CENPT: variants seen among roughly 807,000 people sequenced by gnomAD.
The protein encoded by CENPT is interphase centromere complex protein 22.
CENPT carries 42 observed loss-of-function variants against 59.7 expected under a neutral mutation model. That is an observed-to-expected ratio of 0.70 (90% confidence interval 0.55 to 0.91). The LOEUF is 0.91. Among genes scored for constraint, CENPT ranks in the 40% least tolerant of loss-of-function variants. The pLI is 0.00. For missense variants in CENPT, 716 were observed against 713.4 expected, an observed-to-expected ratio of 1.00 and a Z score of -0.04; for synonymous variants, 295 against 289.6, an observed-to-expected ratio of 1.02 and a Z score of -0.19.
intron 8 of CENPT, 52 bp from the exon 9 acceptor site, chr16:67,831,664 C>T: frequency 6.2e-7 from 1 of 1,611,154 alleles, no homozygotes; most frequent in South Asian, 1.1e-5. Context: ...GGTAAGTGAT[C>T]CAGGCCTGTG....
intron 11 of CENPT, 33 bp downstream of exon 11, chr16:67,830,357 T>G (rs1241874899): frequency 6.3e-7 from 1 of 1,583,738 alleles, no homozygotes; most frequent in Non-Finnish European, 8.6e-7. Flanking sequence ...CCAAGCTAAA[T>G]TTGGCTCCAG....
Position 67,833,844 on chromosome 16 carries a change from G to A in CENPT, c.16C>T (p.Pro6Ser), listed in dbSNP as rs1231719269. Residue 6 changes from proline (P) to serine (S), a missense_variant, in exon 4 of 16, where the codon CCT (proline) becomes TCT (serine). By Grantham distance (74) the Pro-to-Ser change is moderately conservative. Transcript: ENST00000562787. ...GTGCGCGGCGTGGAGTCGCTGTCAG[G>A]GTTGTGGTCAGCCATCGTCTCGGCC... MADHN[P>S]DSDSTPRTLL... The A allele has an allele frequency of 1.9e-6, 3 of 1,561,426 alleles. No homozygotes were observed. Among genetic ancestry groups the A allele is most frequent in the East Asian group, 2.5e-5 (1 of 39,498 alleles).
At position 67,843,961 on chromosome 16, in the gene CENPT, T is replaced by G. The variant is rs2057781727; in HGVS notation, c.-492+3440A>C. ...TTTCCTTCCCAGGTGCAGCCTGTGA[T>G]TCTGATGGGGACTGGTAAATCTGTG... is the stretch of plus-strand genomic sequence containing the variant. On this transcript the variant is annotated intron_variant, in intron 1 of 15. Coordinates refer to ENST00000562787, the MANE Select transcript of CENPT (RefSeq NM_025082.4). This position sits in a 1 kb window ranked among gnomAD's most constrained non-coding sequence, Gnocchi z 5.7. 1 of 169,538 alleles carries G rather than the reference T, an allele frequency of 5.9e-6. No individual in the cohort carries two copies. The highest frequency in any genetic ancestry group is 2.4e-5 in the African/African-American group (1 of 41,476). 10.5% of individuals were successfully genotyped at this position (169,538 alleles called of 1,614,324 possible).
chr16:67,831,950 C>A, intron 7 of CENPT, 60 bp from the exon 8 acceptor site: 2 of 1,588,952 alleles, frequency 1.3e-6, no homozygotes, highest in Admixed American at 1.8e-5. Flanking sequence ...TTTTGCAACC[C>A]CCAAGAAACT....
chr16:67,841,608 T>A (rs537388242), intron 1 of CENPT: 4 of 152,298 alleles, frequency 2.6e-5, no homozygotes, highest in Admixed American at 2.6e-4. Context: ...TTCAGATCTA[T>A]TATCCAAAAG....
rs985176523 is a variant in CENPT at position 67,833,876 on chromosome 16, C to A, written c.-17G>T. 2 of 1,469,532 alleles carry A rather than the reference C, an allele frequency of 1.4e-6. No individual in the cohort carries two copies. Among genetic ancestry groups the A allele is most frequent in the Non-Finnish European group, 1.8e-6 (2 of 1,110,788 alleles). 91.0% of individuals were successfully genotyped at this position (1,469,532 alleles called of 1,614,324 possible). Reference sequence around the variant, plus strand: ...GTCAGCCATCGTCTCGGCCCCGGGCCCTCCTAACCGCCCAGCCAGCTGCAG... The same window carrying A: ...GTCAGCCATCGTCTCGGCCCCGGGCACTCCTAACCGCCCAGCCAGCTGCAG... On this transcript the variant is annotated 5_prime_UTR_variant, in exon 4 of 16. Transcript: ENST00000562787.
chr16:67,834,998 C>A (rs1314594736), intron 3 of CENPT, among the ~76,000 whole-genome samples, 174 bp downstream of exon 3: 2 of 152,076 alleles, frequency 1.3e-5, no homozygotes, highest in African/African-American at 4.8e-5. Flanking sequence ...TGCACCACCA[C>A]ACCCGGCTAA....
chr16:67,830,421 T>G lies in CENPT; in HGVS notation c.831A>C (p.Thr277=). ...EDAEQAAGRK[T]QSSGPGLQKN... ...TCTGCAGCCCAGGCCCACTGCTCTG[T>G]GTCTTGCGACCGGCAGCCTGCTCAG... The change falls in exon 11 of 16, where the codon ACA becomes ACC. Residue 277 remains threonine, a synonymous_variant. Coordinates refer to ENST00000562787, the MANE Select transcript of CENPT (RefSeq NM_025082.4). The G allele has an allele frequency of 6.2e-7, 1 of 1,613,892 alleles. No homozygotes were observed. The highest frequency in any genetic ancestry group is 8.5e-7 in the Non-Finnish European group (1 of 1,179,920).
At position 67,843,424 on chromosome 16, in the gene CENPT, C is replaced by T. The variant is rs1167324983; in HGVS notation, c.-492+3977G>A. Reference sequence around the variant, plus strand: ...TTCGCCACCTGCGTCTCACTGAGGCCAAGCTGCGCGAAGAACTGCGTGAGA... The same window carrying T: ...TTCGCCACCTGCGTCTCACTGAGGCTAAGCTGCGCGAAGAACTGCGTGAGA... On this transcript the variant is annotated intron_variant, in intron 1 of 15. Transcript: ENST00000562787. This position sits in a 1 kb window ranked among gnomAD's most constrained non-coding sequence, Gnocchi z 5.7. The T allele has an allele frequency of 9.3e-6, 15 of 1,613,946 alleles. No homozygotes were observed. The highest frequency in any genetic ancestry group is 1.2e-5 in the Non-Finnish European group (14 of 1,180,028).
chr16:67,844,064 T>C (rs1247962626), intron 1 of CENPT: 1 of 167,236 alleles, frequency 6.0e-6, no homozygotes, highest in African/African-American at 2.4e-5. Context: ...GAGATCCAGC[T>C]TGCCAGGGAC....
chr16:67,829,051 G>A (rs1310618899), intron 13 of CENPT: 11 of 555,348 alleles, frequency 2.0e-5, no homozygotes, highest in Admixed American at 7.4e-5. Context: ...CTCCACAGTC[G>A]ACTCGACATC....
At chr16:67,832,927 A>T (rs8063064) in intron 4 of CENPT, among the ~76,000 whole-genome samples, 7,629 of 152,218 alleles carry the variant, frequency 0.05, 563 homozygotes, top group African/African-American at 0.17. Context: ...AAGTATTTTA[A>T]AATCTTTTAA....
In CENPT at chr16:67,843,142, TGCAGCCGCAGAGGGC is replaced by T. The variant is rs750317616; in HGVS notation, c.-492+4244_-492+4258del. ...TCGATCTCACAGTGCAAGTGGAGTTTGCAGCCGCAGAGGGCGCAGCCGCTGCGGCCGCCGCGTCGG... is the reference window on the plus strand; with the variant it reads ...TCGATCTCACAGTGCAAGTGGAGTTTGCAGCCGCTGCGGCCGCCGCGTCGG... On this transcript the variant is annotated intron_variant, in intron 1 of 15. Coordinates refer to ENST00000562787, the MANE Select transcript of CENPT (RefSeq NM_025082.4). This position sits in a 1 kb window ranked among gnomAD's most constrained non-coding sequence, Gnocchi z 5.7. 20 of 1,609,724 alleles carry T rather than the reference TGCAGCCGCAGAGGGC, an allele frequency of 1.2e-5. No homozygotes were observed. The highest frequency in any genetic ancestry group is 1.2e-4 in the Admixed American group (7 of 59,950).
intron 1 of CENPT, among the ~76,000 whole-genome samples, chr16:67,844,705 CAG>C (rs1347348236): frequency 6.6e-6 from 1 of 152,100 alleles, no homozygotes; most frequent in Non-Finnish European, 1.5e-5. Context: ...TTCGGTGTGA[CAG>C]AGCTGTATCC....
intron 14 of CENPT, 41 bp downstream of exon 14, chr16:67,828,626 C>G: frequency 6.2e-7 from 1 of 1,613,696 alleles, no homozygotes; most frequent in Non-Finnish European, 8.5e-7. Context: ...TGATCATGAC[C>G]CGAGGGGTTC....
chr16:67,831,533 C>G, intron 9 of CENPT, 43 bp downstream of exon 9: 1 of 1,610,844 alleles, frequency 6.2e-7, no homozygotes, highest in Non-Finnish European at 8.5e-7. Flanking sequence ...CCCCAAGTCT[C>G]TCCTCCACCC....
At position 67,842,374 on chromosome 16, in the gene CENPT, G is replaced by A; in HGVS notation, c.-492+5027C>T. On this transcript the variant is annotated intron_variant, in intron 1 of 15. Coordinates refer to ENST00000562787, the MANE Select transcript of CENPT (RefSeq NM_025082.4). The surrounding 1 kb of genome is among the most constrained non-coding windows in gnomAD (Gnocchi z 4.9). Reference sequence around the variant, plus strand: ...CCAGGCGGGCGGCGCGGCGCGGGCCGGCAGGAAGCGTATTCTGGGCACGGG... The same window carrying A: ...CCAGGCGGGCGGCGCGGCGCGGGCCAGCAGGAAGCGTATTCTGGGCACGGG... 3.7e-6 allele frequency: 1 copy of A among 269,148 alleles called. No individual in the cohort carries two copies. Among genetic ancestry groups the A allele is most frequent in the Non-Finnish European group, 6.3e-6 (1 of 159,880 alleles). 16.7% of individuals were successfully genotyped at this position (269,148 alleles called of 1,614,324 possible). A position where few individuals can be genotyped will look rare whatever the true frequency, so the allele number is the denominator to read the frequency against.
At position 67,831,232 on chromosome 16, in the gene CENPT, A is replaced by C; in HGVS notation, c.687T>G (p.Thr229=). 6.2e-7 allele frequency: 1 copy of C among 1,614,112 alleles called. No homozygotes were observed. Among genetic ancestry groups the C allele is most frequent in the South Asian group, 1.1e-5 (1 of 91,082 alleles). The change falls in exon 10 of 16, where the codon ACT becomes ACG. Residue 229 remains threonine (T), a synonymous_variant. Transcript: ENST00000562787. Reference sequence around the variant, plus strand: ...CAACCTTACTTGGAGGAGCCAGGGAAGTATCTCGCAGATCCCGCAAAAAGG... The same window carrying C: ...CAACCTTACTTGGAGGAGCCAGGGACGTATCTCGCAGATCCCGCAAAAAGG... ...VGAFLRDLRD[T]SLAPPNIVLE... is the part of the protein sequence containing the mutation.
At position 67,830,322 on chromosome 16, in the gene CENPT, G is replaced by A. The variant is rs973193209; in HGVS notation, c.862+68C>T. On this transcript the variant is annotated intron_variant, in intron 11 of 15. Coordinates refer to ENST00000562787, the MANE Select transcript of CENPT (RefSeq NM_025082.4). ...AGGGGCACAGAGGGGCTTGAGGAAG[G>A]AAAACTACCATTGTCAACTCTCACC... 6 of 1,548,722 alleles carry A rather than the reference G, an allele frequency of 3.9e-6. No homozygotes were observed. In the Admixed American group the frequency reaches 5.8e-5, roughly 15 times the overall value.
Sources: gnomAD v4.1 joint callset for allele counts (sites outside exome capture counted in the v4.1 genomes callset) on GRCh38, gnomAD v4.1.1 for gene constraint, Gnocchi (gnomAD v3.1) non-coding constraint, MANE v1.5 for transcripts, NCBI Gene and HGNC (gene_info 2026-07-23, HGNC 2026-07-21) for gene names.